The following TTC7A variants were observed in gnomAD, a reference collection of about 807,000 sequenced individuals.
TTC7A encodes tetratricopeptide repeat protein 7A.
A neutral mutation model predicts 103.7 loss-of-function variants in TTC7A; 110 were observed. The ratio of observed to expected loss-of-function variants is 1.06; its 90% CI spans 0.91 to 1.24. The LOEUF is 1.24. TTC7A is among the 50% of genes most tolerant of loss of function. The pLI is 0.00. For missense variants in TTC7A, 1,340 were observed against 1,116.3 expected, an observed-to-expected ratio of 1.20 and a Z score of -2.86; for synonymous variants, 521 against 467.9, an observed-to-expected ratio of 1.11 and a Z score of -1.47.
intron 16 of TTC7A, among the ~76,000 whole-genome samples, chr2:47,047,840 A>G (rs776462167): frequency 2.4e-4 from 36 of 152,140 alleles, no homozygotes; most frequent in Non-Finnish European, 4.9e-4. Flanking sequence ...CCCAAACTAG[A>G]TTTTATAAGC....
At chr2:46,956,264 A>T (rs1671843660) in intron 2 of TTC7A, among the ~76,000 whole-genome samples, 1 of 152,176 alleles carries the variant, frequency 6.6e-6, no homozygotes, top group African/African-American at 2.4e-5. Flanking sequence ...CCCATTTCTG[A>T]TAGGAAGAGG....
chr2:46,927,355 A>AT lies in TTC7A; in HGVS notation c.82+10097dup, dbSNP rs60808815. ...TATTAAAGATAGAGGAGAAAAAAAGATTTTTTTTTTTTTTTTTTTGAGATG... is the reference window on the plus strand; with the variant it reads ...TATTAAAGATAGAGGAGAAAAAAAGATTTTTTTTTTTTTTTTTTTTGAGATG... On this transcript the variant is annotated intron_variant, in intron 2 of 20. Transcript: ENST00000409245. Among the ~76,000 whole-genome samples the AT allele has an allele frequency of 4.6e-3, 608 of 132,876 alleles. 3 individuals carry two copies. The highest frequency in any genetic ancestry group is 0.02 in the South Asian group (83 of 4,192). The allele number at this position is 132,876 out of a possible 152,430, so 87.2% of individuals were successfully genotyped here.
At chr2:46,953,435 G>A (rs975203324) in intron 2 of TTC7A, among the ~76,000 whole-genome samples, 1 of 152,176 alleles carries the variant, frequency 6.6e-6, no homozygotes, top group Non-Finnish European at 1.5e-5. Context: ...GATTACAGGC[G>A]TGAGCCACCA....
intron 15 of TTC7A, among the ~76,000 whole-genome samples, chr2:47,030,234 C>T (rs928972205): frequency 1.3e-5 from 2 of 152,236 alleles, no homozygotes; most frequent in African/African-American, 4.8e-5. Context: ...AGCTAGAGTC[C>T]TGGCTGCCCT....
At chr2:47,046,062 G>A (rs576697238) in intron 15 of TTC7A, among the ~76,000 whole-genome samples, 4 of 152,354 alleles carry the variant, frequency 2.6e-5, no homozygotes, top group East Asian at 1.9e-4. Flanking sequence ...CAGGGGACAC[G>A]GGGCATCAGC....
chr2:46,957,826 C>T (rs551401802), intron 3 of TTC7A, among the ~76,000 whole-genome samples: 2 of 152,204 alleles, frequency 1.3e-5, no homozygotes, highest in African/African-American at 4.8e-5. Context: ...GATCGTCTCC[C>T]TAGTGCAGCA....
intron 15 of TTC7A, among the ~76,000 whole-genome samples, chr2:47,043,299 A>G (rs750165463): frequency 3.8e-4 from 58 of 152,220 alleles, no homozygotes; most frequent in Non-Finnish European, 7.3e-4. Flanking sequence ...CCACATCCTG[A>G]CATCAGGAAG....
intron 5 of TTC7A, among the ~76,000 whole-genome samples, chr2:46,985,368 C>T (rs969473033): frequency 1.3e-5 from 2 of 152,158 alleles, no homozygotes; most frequent in African/African-American, 2.4e-5. Context: ...AGTAGCAGTC[C>T]CAGGACACGT....
chr2:46,961,939 G>C (rs1334968992), intron 3 of TTC7A, among the ~76,000 whole-genome samples: 1 of 152,134 alleles, frequency 6.6e-6, no homozygotes, highest in African/African-American at 2.4e-5. Context: ...GAATGCTTTG[G>C]TTTCAAGGCT....
chr2:46,958,796 A>G (rs1271944842), intron 3 of TTC7A, among the ~76,000 whole-genome samples: 3 of 151,974 alleles, frequency 2.0e-5, no homozygotes, highest in Non-Finnish European at 4.4e-5. Flanking sequence ...GGTTTGGGGG[A>G]TCCGGTGGGT....
chr2:46,987,545 G>T (rs1472162079), intron 5 of TTC7A, among the ~76,000 whole-genome samples: 1 of 152,242 alleles, frequency 6.6e-6, no homozygotes, highest in African/African-American at 2.4e-5. Flanking sequence ...TTCTCTCTGA[G>T]TTGGTTTTTC....
intron 1 of TTC7A, chr2:46,917,158 C>T (rs1558469232): frequency 1.4e-6 from 1 of 701,028 alleles, no homozygotes. Context: ...TCCCATAATC[C>T]CTAATTTTTT....
chr2:47,062,949 G>A (rs1162427321), intron 19 of TTC7A, among the ~76,000 whole-genome samples: 2 of 152,236 alleles, frequency 1.3e-5, no homozygotes, highest in African/African-American at 4.8e-5. Flanking sequence ...CGGCTTCTGC[G>A]TGGGCAGCCC....
At chr2:47,001,555 G>C (rs11678571) in intron 8 of TTC7A, among the ~76,000 whole-genome samples, 38,970 of 152,058 alleles carry the variant, frequency 0.26, 5,912 homozygotes, top group East Asian at 0.48. Flanking sequence ...TGACAATTCA[G>C]CTTCTAAAGG....
At chr2:46,983,880 G>A (rs1001428779) in intron 5 of TTC7A, among the ~76,000 whole-genome samples, 4 of 152,222 alleles carry the variant, frequency 2.6e-5, no homozygotes, top group Non-Finnish European at 5.9e-5. Context: ...GTATAGGCAC[G>A]AAGGCCAGAG....
chr2:46,944,730 G>A (rs1670784687), intron 1 of TTC7A, among the ~76,000 whole-genome samples: 1 of 152,066 alleles, frequency 6.6e-6, no homozygotes, highest in South Asian at 2.1e-4. Flanking sequence ...TTGTAGAGAT[G>A]GGGTCTTGCT....
At chr2:47,021,657 C>A (rs754409885) in intron 11 of TTC7A, among the ~76,000 whole-genome samples, 1 of 152,264 alleles carries the variant, frequency 6.6e-6, no homozygotes, top group African/African-American at 2.4e-5. Context: ...CTGGCCCAAA[C>A]TGGCCCGGTC....
chr2:46,999,399 C>A, intron 8 of TTC7A: 1 of 700,864 alleles, frequency 1.4e-6, no homozygotes, highest in Non-Finnish European at 1.8e-6. Context: ...TTCATCCATC[C>A]AGCCACCTAC....
At chr2:46,917,380 T>C in intron 2 of TTC7A, 1 of 587,222 alleles carries the variant, frequency 1.7e-6, no homozygotes, top group East Asian at 2.9e-5. Flanking sequence ...ATTAGTTTGA[T>C]CTAGTTCCTC....
Sources: gnomAD v4.1 joint callset for allele counts (sites outside exome capture counted in the v4.1 genomes callset) on GRCh38, gnomAD v4.1.1 for gene constraint, MANE v1.5 for transcripts, NCBI Gene and HGNC (gene_info 2026-07-23, HGNC 2026-07-21) for gene names.